The following RBBP8 variants were observed in gnomAD, a reference collection of about 807,000 sequenced individuals.
RBBP8 encodes RB binding protein 8, endonuclease.
Under a neutral mutation model 108.3 loss-of-function variants are expected in RBBP8, and 88 were observed. The observed-to-expected ratio is 0.81, with a 90% CI of 0.68 to 0.97. RBBP8 has a LOEUF of 0.97. Among genes scored for constraint, RBBP8 ranks in the 50% least tolerant of loss-of-function variants. RBBP8 has a pLI of 0.00. For synonymous variants in RBBP8, 332 were observed against 348.2 expected (o/e 0.95, Z 0.52); for missense variants, 1,023 against 1,049.0 (o/e 0.98, Z 0.34).
At chr18:22,982,572 T>C (rs1456013214) in intron 7 of RBBP8, among the ~76,000 whole-genome samples, 179 bp downstream of exon 7, 1 of 152,238 alleles carries the variant, frequency 6.6e-6, no homozygotes, top group East Asian at 1.9e-4. Context: ...GCCCGTGTTA[T>C]GTATAGATAC....
chr18:22,997,237 T>TA (rs2045875366), intron 13 of RBBP8, among the ~76,000 whole-genome samples: 1 of 152,248 alleles, frequency 6.6e-6, no homozygotes, highest in Non-Finnish European at 1.5e-5. Context: ...GTATTTAACA[T>TA]ACGCTGAGTA....
chr18:22,930,949 T>C (rs1367463061), upstream of RBBP8, among the ~76,000 whole-genome samples: 2 of 152,016 alleles, frequency 1.3e-5, no homozygotes, highest in Non-Finnish European at 2.9e-5. Context: ...TTTGGTTTGA[T>C]TTTTAGAATA....
chr18:22,973,639 A>G (rs1914285062), intron 5 of RBBP8, among the ~76,000 whole-genome samples: 1 of 152,218 alleles, frequency 6.6e-6, no homozygotes, highest in African/African-American at 2.4e-5. Flanking sequence ...CCCATCATTC[A>G]TCTATAAAAA....
At chr18:23,018,688 A>G (rs1301162407) in intron 17 of RBBP8, among the ~76,000 whole-genome samples, 1 of 152,206 alleles carries the variant, frequency 6.6e-6, no homozygotes, top group Non-Finnish European at 1.5e-5. Context: ...TAGTCTGTAC[A>G]TGTTAATACA....
intron 4 of RBBP8, among the ~76,000 whole-genome samples, chr18:22,968,258 G>A (rs1349750852): frequency 6.6e-6 from 1 of 151,822 alleles, no homozygotes; most frequent in Non-Finnish European, 1.5e-5. Flanking sequence ...TTTTTTAGTA[G>A]AGACGGTGTT....
chr18:22,956,050 T>C (rs1052014455), intron 4 of RBBP8, among the ~76,000 whole-genome samples: 6 of 152,204 alleles, frequency 3.9e-5, no homozygotes, highest in Non-Finnish European at 8.8e-5. Context: ...CTCTGAAATA[T>C]CAGGTCTTCA....
At chr18:23,000,006 T>C (rs183324960) in intron 14 of RBBP8, among the ~76,000 whole-genome samples, 3 of 152,316 alleles carry the variant, frequency 2.0e-5, no homozygotes, top group Admixed American at 2.0e-4. Context: ...TGTTTAATTA[T>C]CAATAAATAT....
chr18:22,992,644 A>G (rs1915776597), intron 10 of RBBP8, 104 bp from the exon 11 acceptor site: 2 of 930,204 alleles, frequency 2.2e-6, no homozygotes, highest in East Asian at 2.6e-5. Flanking sequence ...AGAAGCCAAA[A>G]GCTGTACCTT....
chr18:22,945,352 A>G (rs1911458128), intron 2 of RBBP8, among the ~76,000 whole-genome samples: 1 of 152,130 alleles, frequency 6.6e-6, no homozygotes, highest in Admixed American at 6.6e-5. Context: ...TTGATTAAAT[A>G]ACTTCATTTT....
chr18:22,999,518 T>C (rs894835446), intron 14 of RBBP8, among the ~76,000 whole-genome samples: 3 of 152,038 alleles, frequency 2.0e-5, no homozygotes, highest in African/African-American at 7.2e-5. Context: ...AGAGGTAACA[T>C]AGTGTCACAA....
chr18:22,980,184 TG>T (rs1914801184), intron 6 of RBBP8, among the ~76,000 whole-genome samples: 3 of 152,014 alleles, frequency 2.0e-5, no homozygotes, highest in African/African-American at 7.2e-5. Context: ...AGGCAGAGGT[TG>T]TAGTGAGCCG....
chr18:23,007,548 C>T (rs934693001), intron 16 of RBBP8, among the ~76,000 whole-genome samples: 8 of 150,752 alleles, frequency 5.3e-5, no homozygotes, highest in Non-Finnish European at 8.9e-5. Context: ...ACTAAAAATA[C>T]AAAAAATTAG....
chr18:22,957,574 C>T (rs999799468), intron 4 of RBBP8, among the ~76,000 whole-genome samples: 2 of 152,058 alleles, frequency 1.3e-5, no homozygotes, highest in African/African-American at 4.8e-5. Context: ...TGCTTTCTGC[C>T]TTTTGTGGAA....
chr18:22,992,994 T>C lies in RBBP8; in HGVS notation c.1167T>C (p.Ser389=), dbSNP rs761177158. 10 of 1,613,536 alleles carry C rather than the reference T, an allele frequency of 6.2e-6. No individual in the cohort carries two copies. In the South Asian group the frequency reaches 9.9e-5, roughly 16 times the overall value. ...SEDSALFTHH[S]LGSEVNKIII... is the part of the protein sequence containing the mutation. Reference sequence around the variant, plus strand: ...ATAGTGCCCTTTTCACACATCACAGTCTTGGGTCTGAAGTGAACAAGATCA... The same window carrying C: ...ATAGTGCCCTTTTCACACATCACAGCCTTGGGTCTGAAGTGAACAAGATCA... The change falls in exon 11 of 19, where the codon AGT becomes AGC. Residue 389 remains serine, a synonymous_variant. Coordinates refer to ENST00000327155, the MANE Select transcript of RBBP8 (RefSeq NM_002894.3).
chr18:22,931,908 AAAAC>A (rs2144363338), upstream of RBBP8, among the ~76,000 whole-genome samples: 1 of 152,320 alleles, frequency 6.6e-6, no homozygotes, highest in East Asian at 1.9e-4. Flanking sequence ...AACACCAGTG[AAAAC>A]AAAGATTTAG....
intron 13 of RBBP8, 150 bp from the exon 14 acceptor site, chr18:22,997,470 T>C (rs1182903478): frequency 7.8e-6 from 5 of 639,910 alleles, no homozygotes; most frequent in Non-Finnish European, 1.4e-5. Context: ...TCCTTACCTG[T>C]TCGTAAAGTA....
At chr18:22,931,670 G>A (rs1910038821), upstream of RBBP8, among the ~76,000 whole-genome samples, 1 of 152,086 alleles carries the variant, frequency 6.6e-6, no homozygotes, top group African/African-American at 2.4e-5. Context: ...ACCCTGTGAG[G>A]TTGGTACTAT....
intron 6 of RBBP8, among the ~76,000 whole-genome samples, chr18:22,976,712 T>C (rs1476738527): frequency 6.6e-6 from 1 of 152,068 alleles, no homozygotes; most frequent in Non-Finnish European, 1.5e-5. Context: ...TACATTAATT[T>C]ATGTGAAGTG....
chr18:22,936,962 T>G lies in RBBP8; in HGVS notation c.109+2T>G. The G allele has an allele frequency of 6.2e-7, 1 of 1,613,956 alleles. No individual in the cohort carries two copies. The highest frequency in any genetic ancestry group is 8.5e-7 in the Non-Finnish European group (1 of 1,179,980). ...AATGTCATGATAGAGAAGTACAAGG[T>G]AAAATCTTTTCTTAAATACTTACAG... On this transcript the variant is annotated splice_donor_variant, in intron 2 of 18. Transcript: ENST00000327155. LOFTEE classifies it high-confidence loss of function.
Sources: allele counts gnomAD v4.1 joint callset (sites outside exome capture counted in the v4.1 genomes callset), GRCh38; gene constraint gnomAD v4.1.1; transcripts MANE v1.5; gene names NCBI Gene and HGNC (gene_info 2026-07-23, HGNC 2026-07-21).